The following PDE4D variants were observed in gnomAD, a reference collection of about 807,000 sequenced individuals.
The protein encoded by PDE4D is 3',5'-cyclic-AMP phosphodiesterase 4D.
A neutral mutation model predicts 87.4 loss-of-function variants in PDE4D; 24 were observed. The observed-to-expected ratio is 0.27, with a 90% confidence interval of 0.20 to 0.39. The LOEUF is 0.39. PDE4D is among the 10% of genes least tolerant of loss of function. The pLI is 1.00. For missense variants in PDE4D, 714 were observed against 1,041.0 expected (o/e 0.69, Z 4.32); for synonymous variants, 384 against 383.2 (o/e 1.00, Z -0.02).
At chr5:60,083,679 C>T (rs1774224223) in intron 2 of PDE4D, among the ~76,000 whole-genome samples, 2 of 152,004 alleles carry the variant, frequency 1.3e-5, no homozygotes, top group Non-Finnish European at 2.9e-5. Flanking sequence ...TTTGTGTAGC[C>T]CTTACTCACT....
intron 2 of PDE4D, among the ~76,000 whole-genome samples, chr5:60,049,922 T>C (rs1303600051): frequency 6.6e-6 from 1 of 152,230 alleles, no homozygotes; most frequent in Non-Finnish European, 1.5e-5. Context: ...CTGCTTTGTT[T>C]ACGTAAGCAA....
chr5:59,080,268 T>C (rs535251615), intron 5 of PDE4D, among the ~76,000 whole-genome samples: 5 of 152,116 alleles, frequency 3.3e-5, no homozygotes, highest in South Asian at 4.1e-4. Context: ...CACAAATAAG[T>C]GTGATGAACG....
chr5:60,454,738 C>A (rs1156511711), intron 1 of PDE4D, among the ~76,000 whole-genome samples: 1 of 152,146 alleles, frequency 6.6e-6, no homozygotes, highest in Non-Finnish European at 1.5e-5. Flanking sequence ...GTGCACCAAA[C>A]CACCATGGCA....
chr5:59,483,297 A>T (rs1804577248), intron 1 of PDE4D, among the ~76,000 whole-genome samples: 1 of 152,178 alleles, frequency 6.6e-6, no homozygotes. Flanking sequence ...TGCATATATC[A>T]TATAGGTTCT....
chr5:59,432,319 G>A (rs886277941), intron 1 of PDE4D, among the ~76,000 whole-genome samples: 13 of 152,036 alleles, frequency 8.6e-5, no homozygotes, highest in Admixed American at 7.2e-4. Context: ...CAGAGACCTA[G>A]TGAGTTCTTT....
chr5:58,982,036 G>A (rs971876603), intron 11 of PDE4D, among the ~76,000 whole-genome samples: 1 of 152,116 alleles, frequency 6.6e-6, no homozygotes, highest in African/African-American at 2.4e-5. Context: ...CCAGTTCAAC[G>A]GAATCACTGT....
chr5:59,013,546 A>G (rs1198134164), intron 6 of PDE4D, among the ~76,000 whole-genome samples: 2 of 152,252 alleles, frequency 1.3e-5, no homozygotes, highest in Non-Finnish European at 2.9e-5. Flanking sequence ...AAAATCTAGA[A>G]GAAATGGATA....
At chr5:59,741,973 G>C (rs1758904760) in intron 1 of PDE4D, among the ~76,000 whole-genome samples, 1 of 152,070 alleles carries the variant, frequency 6.6e-6, no homozygotes, top group Admixed American at 6.6e-5. Context: ...TGTTGAGAAT[G>C]GTTTGCACCA....
intron 2 of PDE4D, among the ~76,000 whole-genome samples, chr5:60,038,472 C>G (rs947400955): frequency 6.6e-6 from 1 of 151,918 alleles, no homozygotes; most frequent in African/African-American, 2.4e-5. Context: ...CTGTTCTGTT[C>G]CACTGATCTA....
At chr5:59,254,037 TA>T (rs1276176657) in intron 1 of PDE4D, among the ~76,000 whole-genome samples, 1 of 151,990 alleles carries the variant, frequency 6.6e-6, no homozygotes, top group Admixed American at 6.6e-5. Context: ...GGTTTTGTCT[TA>T]AAAAATAGAA....
intron 1 of PDE4D, chr5:60,431,247 C>A (rs1481813214): frequency 5.2e-6 from 1 of 193,120 alleles, no homozygotes; most frequent in Non-Finnish European, 1.1e-5. Flanking sequence ...GGGGTGGCTG[C>A]CAGGCGGAGG....
At chr5:59,219,965 C>A (rs953239335) in intron 1 of PDE4D, among the ~76,000 whole-genome samples, 1 of 151,990 alleles carries the variant, frequency 6.6e-6, no homozygotes, top group Non-Finnish European at 1.5e-5. Context: ...CATTTAGTGT[C>A]TGGCTAAATT....
chr5:59,113,728 G>C (rs1773083757), intron 5 of PDE4D, among the ~76,000 whole-genome samples: 2 of 152,148 alleles, frequency 1.3e-5, no homozygotes, highest in Non-Finnish European at 2.9e-5. Context: ...TGGACTCCTG[G>C]CTCTGTTTCT....
intron 1 of PDE4D, among the ~76,000 whole-genome samples, chr5:60,441,026 C>G (rs1247828127): frequency 1.3e-5 from 2 of 151,976 alleles, no homozygotes; most frequent in Non-Finnish European, 2.9e-5. Flanking sequence ...ATAATTGGAC[C>G]TTTGATGACT....
At chr5:60,063,124 A>T (rs1009546439) in intron 2 of PDE4D, among the ~76,000 whole-genome samples, 1 of 149,984 alleles carries the variant, frequency 6.7e-6, no homozygotes, top group African/African-American at 2.4e-5. Flanking sequence ...GAAAGAAAGA[A>T]AGAAAGAAAG....
In PDE4D at chr5:58,973,658, T is replaced by G. The variant is rs1427364231; in HGVS notation, c.*1006A>C. 1 of 152,640 alleles carries G rather than the reference T, an allele frequency of 6.6e-6. No individual in the cohort carries two copies. Among genetic ancestry groups the G allele is most frequent in the Non-Finnish European group, 1.5e-5 (1 of 68,026 alleles). The allele number at this position is 152,640 out of a possible 1,614,324, so 9.5% of individuals were successfully genotyped here. On this transcript the variant is annotated 3_prime_UTR_variant, in exon 15 of 15. Transcript: ENST00000340635. Reference sequence around the variant, plus strand: ...CTGATGACTGAGTTTGCATGAAGCTTAAGACACATTTGATATAACACACAT... The same window carrying G: ...CTGATGACTGAGTTTGCATGAAGCTGAAGACACATTTGATATAACACACAT...
intron 3 of PDE4D, among the ~76,000 whole-genome samples, chr5:59,914,565 CAT>C (rs1753805673): frequency 7.5e-5 from 8 of 106,144 alleles, no homozygotes; most frequent in African/African-American, 2.5e-4. Flanking sequence ...TGTGTGTGTG[CAT>C]GTGCGTGTGT....
At chr5:58,992,924 T>G (rs928686697) in intron 7 of PDE4D, among the ~76,000 whole-genome samples, 1 of 152,130 alleles carries the variant, frequency 6.6e-6, no homozygotes, top group Non-Finnish European at 1.5e-5. Flanking sequence ...AAACTTTTAT[T>G]TAGCAATTGT....
At chr5:59,116,639 C>T (rs1398018291) in intron 5 of PDE4D, among the ~76,000 whole-genome samples, 1 of 152,160 alleles carries the variant, frequency 6.6e-6, no homozygotes, top group Non-Finnish European at 1.5e-5. Flanking sequence ...ATGCTCTGCA[C>T]GTACTCCACG....
Sources: gnomAD v4.1 joint callset for allele counts (sites outside exome capture counted in the v4.1 genomes callset) on GRCh38, gnomAD v4.1.1 for gene constraint, MANE v1.5 for transcripts, NCBI Gene and HGNC (gene_info 2026-07-23, HGNC 2026-07-21) for gene names.